The following NDUFAF5 variants were observed in gnomAD, a reference collection of about 807,000 sequenced individuals.
NDUFAF5 encodes arginine-hydroxylase NDUFAF5, mitochondrial.
In NDUFAF5, 34 loss-of-function variants were observed where a neutral mutation model predicts 48.9. The observed-to-expected ratio is 0.70, with a 90% CI of 0.53 to 0.93. The LOEUF (loss-of-function observed/expected upper bound fraction) is 0.93. Among genes scored for constraint, NDUFAF5 ranks in the 40% least tolerant of loss-of-function variants. The pLI, the probability that NDUFAF5 is intolerant of heterozygous loss-of-function variation, is 0.00. For missense variants in NDUFAF5, 428 were observed against 427.5 expected (o/e 1.00, Z -0.01); for synonymous variants, 153 against 150.6 (o/e 1.02, Z -0.12).
chr20:13,811,931 G>C (rs533036442), intron 8 of NDUFAF5, among the ~76,000 whole-genome samples: 75 of 152,314 alleles, frequency 4.9e-4, no homozygotes, highest in Non-Finnish European at 7.5e-4. Context: ...CTGAAAAATT[G>C]TAAGATGATT....
intron 8 of NDUFAF5, chr20:13,814,620 T>A (rs560549454): frequency 1.9e-6 from 1 of 538,694 alleles, no homozygotes; most frequent in South Asian, 1.6e-5. Context: ...TTAAAAACAC[T>A]GTGAGAGTCT....
chr20:13,810,077 G>C lies in NDUFAF5; in HGVS notation c.778+1175G>C, dbSNP rs931356380. 7.9e-5 allele frequency among the ~76,000 whole-genome samples: 12 copies of C among 152,332 alleles called. No homozygotes were observed. In the South Asian group the frequency reaches 8.3e-4, roughly 11 times the overall value. Reference sequence around the variant, plus strand: ...AAGTAGGCAGTTGAGTATGTGGGTAGGTAGCTCAGAGGAAGCTACTGGCTT... The same window carrying C: ...AAGTAGGCAGTTGAGTATGTGGGTACGTAGCTCAGAGGAAGCTACTGGCTT... On this transcript the variant is annotated intron_variant, in intron 8 of 10. Transcript: ENST00000378106.
intron 7 of NDUFAF5, 65 bp from the exon 8 acceptor site, chr20:13,808,777 C>G (rs1985435552): frequency 2.9e-5 from 34 of 1,161,080 alleles, no homozygotes; most frequent in South Asian, 2.3e-4. Context: ...TCTGCGGCCT[C>G]TTTTTTAAAT....
intron 3 of NDUFAF5, 42 bp downstream of exon 3, chr20:13,788,694 T>C (rs764362644): frequency 8.5e-6 from 11 of 1,294,546 alleles, no homozygotes; most frequent in African/African-American, 1.5e-5. Flanking sequence ...AAAAGTAACA[T>C]TGGCTAATTT....
intron 3 of NDUFAF5, among the ~76,000 whole-genome samples, chr20:13,791,925 A>G (rs926520567): frequency 1.3e-5 from 2 of 152,204 alleles, no homozygotes; most frequent in African/African-American, 4.8e-5. Flanking sequence ...AATTGTTAGC[A>G]TCTCTTCCCA....
chr20:13,802,854 AT>A (rs1193198021), intron 7 of NDUFAF5, among the ~76,000 whole-genome samples: 1 of 152,116 alleles, frequency 6.6e-6, no homozygotes, highest in Non-Finnish European at 1.5e-5. Flanking sequence ...TCTGGAGAGA[AT>A]GATTGCCCTC....
Position 13,819,755 on chromosome 20 carries a change from T to C in NDUFAF5, c.*2545T>C, listed in dbSNP as rs979438593. On this transcript the variant is annotated 3_prime_UTR_variant, in exon 11 of 11. Transcript: ENST00000378106. ...TCCCAGACTGGTCCCAAGAATGCTG[T>C]GGTTGGTTTTGTGTCTTTTCCAGCA... The C allele has an allele frequency of 1.4e-4, 21 of 152,256 alleles. No individual in the cohort carries two copies. Among genetic ancestry groups the C allele is most frequent in the African/African-American group, 4.8e-4 (20 of 41,466 alleles). 9.4% of individuals were successfully genotyped at this position (152,256 alleles called of 1,614,324 possible).
At chr20:13,797,673 A>T (rs560129985) in intron 5 of NDUFAF5, among the ~76,000 whole-genome samples, 1 of 152,326 alleles carries the variant, frequency 6.6e-6, no homozygotes, top group East Asian at 1.9e-4. Flanking sequence ...ATGACATTAC[A>T]CGTTTATCCA....
chr20:13,790,693 C>T (rs1259403740), intron 3 of NDUFAF5, among the ~76,000 whole-genome samples: 1 of 152,152 alleles, frequency 6.6e-6, no homozygotes, highest in Non-Finnish European at 1.5e-5. Context: ...GTTTTTTTAT[C>T]ATGTCTCTGA....
In NDUFAF5 at chr20:13,793,129, A is replaced by G. The variant is rs200385236; in HGVS notation, c.328-51A>G. ...CACTTTTACCTTTAGAAATGTCAGC[A>G]ATTGTTTGTGACTGGATTTGTTTGT... On this transcript the variant is annotated intron_variant, in intron 3 of 10. Coordinates refer to ENST00000378106, the MANE Select transcript of NDUFAF5 (RefSeq NM_024120.5). 5 of 1,598,832 alleles carry G rather than the reference A, an allele frequency of 3.1e-6. No individual in the cohort carries two copies. In the East Asian group the frequency reaches 1.1e-4, roughly 36 times the overall value.
chr20:13,811,729 G>GT (rs1985891551), intron 8 of NDUFAF5, among the ~76,000 whole-genome samples: 1 of 152,156 alleles, frequency 6.6e-6, no homozygotes, highest in Non-Finnish European at 1.5e-5. Context: ...TACTTGAAAG[G>GT]GATGCTGGAG....
At chr20:13,814,965 C>G (rs1986294455) in intron 8 of NDUFAF5, among the ~76,000 whole-genome samples, 1 of 152,160 alleles carries the variant, frequency 6.6e-6, no homozygotes, top group Non-Finnish European at 1.5e-5. Context: ...ACGCCCTGTG[C>G]TCTGCAGTAG....
chr20:13,794,350 G>A (rs1048992629), intron 4 of NDUFAF5, among the ~76,000 whole-genome samples: 1 of 151,828 alleles, frequency 6.6e-6, no homozygotes, highest in African/African-American at 2.4e-5. Context: ...TGCGATCTCA[G>A]CTCACTGCAA....
Position 13,821,121 on chromosome 20 carries a change from T to A in NDUFAF5, c.*3911T>A, listed in dbSNP as rs1986956897. On this transcript the variant is annotated 3_prime_UTR_variant, in exon 11 of 11. Transcript: ENST00000378106. ...TTACTGTTAACAAATAAGAAAATAA[T>A]GCTTTGCCATCTGTGGTGGTTTTAA... 1 of 152,224 alleles carries A rather than the reference T, an allele frequency of 6.6e-6. No homozygotes were observed. The highest frequency in any genetic ancestry group is 1.5e-5 in the Non-Finnish European group (1 of 68,030). The allele number at this position is 152,224 out of a possible 1,614,324, so 9.4% of individuals were successfully genotyped here. A position where few individuals can be genotyped will look rare whatever the true frequency, so the allele number is the denominator to read the frequency against.
chr20:13,785,061 A>C lies in NDUFAF5; in HGVS notation c.-8A>C, dbSNP rs979203822. On this transcript the variant is annotated 5_prime_UTR_variant, in exon 1 of 11. Transcript: ENST00000378106. ...AAAAAGCGCCGGCAATTGGGGTCGC[A>C]GCTGGAGATGCTGCGGCCGGCAGGG... is the stretch of plus-strand genomic sequence containing the variant. 1.9e-6 allele frequency: 3 copies of C among 1,609,126 alleles called. No individual in the cohort carries two copies. Among genetic ancestry groups the C allele is most frequent in the South Asian group, 1.1e-5 (1 of 90,656 alleles).
chr20:13,793,286 A>C, intron 4 of NDUFAF5, 59 bp downstream of exon 4: 2 of 1,359,352 alleles, frequency 1.5e-6, no homozygotes, highest in Non-Finnish European at 2.1e-6. Context: ...CTCATATTTT[A>C]TTTCTTTATT....
chr20:13,798,792 T>C (rs1319900264), intron 6 of NDUFAF5, among the ~76,000 whole-genome samples: 4 of 152,234 alleles, frequency 2.6e-5, no homozygotes, highest in African/African-American at 4.8e-5. Context: ...AGATTTCTTC[T>C]TACCCTTAGT....
In NDUFAF5 at chr20:13,817,556, C is replaced by T. The variant is rs1454208344; in HGVS notation, c.*346C>T. 8.6e-6 allele frequency: 4 copies of T among 466,560 alleles called. No individual in the cohort carries two copies. Among genetic ancestry groups the T allele is most frequent in the Non-Finnish European group, 1.7e-5 (4 of 235,702 alleles). The allele number at this position is 466,560 out of a possible 1,614,324, so 28.9% of individuals were successfully genotyped here. A position where few individuals can be genotyped will look rare whatever the true frequency, so the allele number is the denominator to read the frequency against. On this transcript the variant is annotated 3_prime_UTR_variant, in exon 11 of 11. Coordinates refer to ENST00000378106, the MANE Select transcript of NDUFAF5 (RefSeq NM_024120.5). ...TCATTTGTCATACTGTTTTCTTTGCCTTGAAGAGGAACAGATGAATATGCA... is the reference window on the plus strand; with the variant it reads ...TCATTTGTCATACTGTTTTCTTTGCTTTGAAGAGGAACAGATGAATATGCA...
chr20:13,816,857 C>T lies in NDUFAF5; in HGVS notation c.863-18C>T, dbSNP rs374147997. On this transcript the variant is annotated intron_variant, in intron 9 of 10. Transcript: ENST00000378106. Reference sequence around the variant, plus strand: ...CTACTTGCATTTTTTCAGACTTTAACCATTATTGTCTTTTTAGAAATGTAC... The same window carrying T: ...CTACTTGCATTTTTTCAGACTTTAATCATTATTGTCTTTTTAGAAATGTAC... 33 of 1,560,702 alleles carry T rather than the reference C, an allele frequency of 2.1e-5. No individual in the cohort carries two copies. Among genetic ancestry groups the T allele is most frequent in the Non-Finnish European group, 2.7e-5 (31 of 1,131,684 alleles).
Sources: gnomAD v4.1 joint callset for allele counts (sites outside exome capture counted in the v4.1 genomes callset) on GRCh38, gnomAD v4.1.1 for gene constraint, MANE v1.5 for transcripts, NCBI Gene and HGNC (gene_info 2026-07-23, HGNC 2026-07-21) for gene names.